Variants in DNAH9 observed in about 807,000 individuals in gnomAD.
The protein encoded by DNAH9 is dynein axonemal heavy chain 9.
Under a neutral mutation model 471.6 loss-of-function variants are expected in DNAH9, and 345 were observed. The observed-to-expected ratio is 0.73, with a 90% CI of 0.67 to 0.80. The LOEUF is 0.80. Ranked by LOEUF, DNAH9 falls within the 30% of genes least tolerant of loss-of-function variation. The pLI is 0.00. For missense variants in DNAH9, 5,407 were observed against 5,609.2 expected (o/e 0.96, Z 1.15); for synonymous variants, 2,093 against 2,123.6 (o/e 0.99, Z 0.40).
At chr17:11,823,168 G>C (rs976863608) in intron 48 of DNAH9, 134 bp downstream of exon 48, 24 of 747,958 alleles carry the variant, frequency 3.2e-5, no homozygotes, top group Middle Eastern at 3.9e-4. Flanking sequence ...CATGTCATCA[G>C]TATCTATTAT....
intron 38 of DNAH9, among the ~76,000 whole-genome samples, chr17:11,775,761 T>C (rs1480369351): frequency 6.6e-6 from 1 of 151,944 alleles, no homozygotes; most frequent in South Asian, 2.1e-4. Context: ...CCCGCCACCA[T>C]GCCCGGCTAA....
rs147288160 is a variant in DNAH9, at chr17:11,619,748, G to A, written c.1317G>A (p.Leu439=). 6.4e-5 allele frequency: 103 copies of A among 1,613,718 alleles called. 1 individual carries two copies. In the African/African-American group the frequency reaches 8.4e-4, roughly 13 times the overall value. The change falls in exon 6 of 69, where the codon TTG becomes TTA. Residue 439 remains leucine (L), a synonymous_variant. Transcript: ENST00000262442. ...AGTCTTCTTTGGTCTTTGTGCGATT[G>A]GATGGCTTCCTGGGACAACTGCACG... ...DFQSSLVFVR[L]DGFLGQLHVV...
intron 36 of DNAH9, among the ~76,000 whole-genome samples, chr17:11,765,050 A>G (rs1764377340): frequency 6.6e-6 from 1 of 152,200 alleles, no homozygotes; most frequent in Admixed American, 6.5e-5. Context: ...AACGTTAGGA[A>G]AGTAACTTAA....
At chr17:11,834,286 G>A (rs923672152) in intron 48 of DNAH9, among the ~76,000 whole-genome samples, 5 of 117,640 alleles carry the variant, frequency 4.3e-5, no homozygotes, top group African/African-American at 6.5e-5. Flanking sequence ...CCGAGATCAC[G>A]CCACTGAATT....
intron 41 of DNAH9, among the ~76,000 whole-genome samples, chr17:11,792,480 T>C (rs1365191666): frequency 6.6e-6 from 1 of 152,208 alleles, no homozygotes; most frequent in Non-Finnish European, 1.5e-5. Context: ...TTGAGGTTAT[T>C]GAGGGGCTCT....
intron 17 of DNAH9, among the ~76,000 whole-genome samples, chr17:11,673,849 T>A (rs2074009251): frequency 6.6e-6 from 1 of 152,214 alleles, no homozygotes; most frequent in Non-Finnish European, 1.5e-5. Context: ...TTTGTGTATG[T>A]GTGTATGTAT....
intron 59 of DNAH9, among the ~76,000 whole-genome samples, chr17:11,895,106 G>C (rs899157559): frequency 1.3e-5 from 2 of 152,202 alleles, no homozygotes; most frequent in Non-Finnish European, 2.9e-5. Flanking sequence ...TGGTCTGTCT[G>C]ATGGCAGAGC....
At chr17:11,870,038 G>T (rs373820055) in intron 51 of DNAH9, among the ~76,000 whole-genome samples, 3 of 152,104 alleles carry the variant, frequency 2.0e-5, no homozygotes, top group African/African-American at 7.2e-5. Flanking sequence ...CTTCCTCAGG[G>T]CATTTCCACG....
intron 67 of DNAH9, among the ~76,000 whole-genome samples, chr17:11,943,955 T>C (rs898311093): frequency 2.6e-5 from 4 of 152,188 alleles, no homozygotes; most frequent in African/African-American, 9.6e-5. Flanking sequence ...TCAGTAACTA[T>C]CTTGAGTAGG....
chr17:11,943,547 T>G (rs1975013707), intron 67 of DNAH9, among the ~76,000 whole-genome samples: 1 of 151,992 alleles, frequency 6.6e-6, no homozygotes, highest in African/African-American at 2.4e-5. Flanking sequence ...CGTGGCGGTG[T>G]GCACCTGTAG....
chr17:11,907,204 C>T (rs1436951536), intron 61 of DNAH9, among the ~76,000 whole-genome samples: 2 of 152,084 alleles, frequency 1.3e-5, no homozygotes, highest in Non-Finnish European at 2.9e-5. Flanking sequence ...GGCACGGTGG[C>T]TCACGCCTGT....
intron 24 of DNAH9, 55 bp from the exon 25 acceptor site, chr17:11,704,148 G>A: frequency 3.1e-6 from 5 of 1,603,822 alleles, no homozygotes; most frequent in Non-Finnish European, 4.3e-6. Context: ...TGATGAGTGG[G>A]TTGGTTGGAA....
chr17:11,909,801 C>A (rs965799890), intron 61 of DNAH9, among the ~76,000 whole-genome samples: 1 of 152,044 alleles, frequency 6.6e-6, no homozygotes, highest in Non-Finnish European at 1.5e-5. Context: ...GTGTGCAATT[C>A]AAAGCATTTT....
intron 38 of DNAH9, among the ~76,000 whole-genome samples, chr17:11,779,006 CAAA>C (rs1009557582): frequency 1.6e-4 from 24 of 150,124 alleles, no homozygotes; most frequent in Admixed American, 1.1e-3. Context: ...AACTCCATCT[CAAA>C]AAAAAAGAAG....
Position 11,821,948 on chromosome 17 carries a change from T to G in DNAH9, c.8736T>G (p.Asp2912Glu), listed in dbSNP as rs1380194894. Residue 2912 changes from aspartate to glutamate, a missense_variant, in exon 46 of 69, where the codon GAT (aspartate) becomes GAG (glutamate). Physicochemically the swap from Asp to Glu is conservative, Grantham distance 45. Transcript: ENST00000262442. ...SGEIPDLYSD[D>E]EVENIISNVR... is the part of the protein sequence containing the mutation. ...AGATCCCAGATCTCTACTCTGATGA[T>G]GAAGTTGAAAACATCATAAGCAATG... The G allele has an allele frequency of 6.5e-5, 105 of 1,613,876 alleles. No homozygotes were observed. The highest frequency in any genetic ancestry group is 8.6e-5 in the Non-Finnish European group (102 of 1,179,974).
At chr17:11,887,765 C>CAG (rs1491060290) in intron 57 of DNAH9, among the ~76,000 whole-genome samples, 1 of 147,072 alleles carries the variant, frequency 6.8e-6, no homozygotes, top group Non-Finnish European at 1.5e-5. Context: ...CACACACACA[C>CAG]AGAGTGCACA....
In DNAH9 at chr17:11,822,428, G is replaced by A. The variant is rs565896029; in HGVS notation, c.8851-10G>A. The A allele has an allele frequency of 7.3e-4, 1,186 of 1,614,040 alleles. 13 individuals carry two copies. In the South Asian group the frequency reaches 0.011, roughly 15 times the overall value. On this transcript the variant is annotated splice_polypyrimidine_tract_variant and intron_variant, in intron 46 of 68. Coordinates refer to ENST00000262442, the MANE Select transcript of DNAH9 (RefSeq NM_001372.4). The stretch of plus-strand genomic sequence containing the variant: ...CCTTCCTGGTTCTCCCCACCCTTCT[G>A]ACTTCTCAGGTGACTCTCTGTTTCT...
At chr17:11,739,472 C>T (rs1330828149) in intron 29 of DNAH9, among the ~76,000 whole-genome samples, 1 of 152,148 alleles carries the variant, frequency 6.6e-6, no homozygotes, top group Admixed American at 6.5e-5. Flanking sequence ...ATGCATAATG[C>T]TGTAATGTAC....
At chr17:11,856,855 G>A (rs372938925) in intron 50 of DNAH9, among the ~76,000 whole-genome samples, 7 of 152,064 alleles carry the variant, frequency 4.6e-5, no homozygotes, top group South Asian at 2.1e-4. Flanking sequence ...GCAAGACACC[G>A]TCACATCCCC....
Sources: allele counts gnomAD v4.1 joint callset (sites outside exome capture counted in the v4.1 genomes callset), GRCh38; gene constraint gnomAD v4.1.1; transcripts MANE v1.5; gene names NCBI Gene and HGNC (gene_info 2026-07-23, HGNC 2026-07-21).